The following MCTP1 variants were observed in gnomAD, a reference collection of about 807,000 sequenced individuals.
MCTP1 encodes the protein multiple C2 and transmembrane domain containing 1.
In MCTP1, 69 loss-of-function variants were observed where a neutral mutation model predicts 120.6. The ratio of observed to expected loss-of-function variants is 0.57; its 90% CI spans 0.47 to 0.70. The LOEUF (loss-of-function observed/expected upper bound fraction) is 0.70, where lower values mean the gene tolerates loss of function less well. Ranked by LOEUF, MCTP1 falls within the 30% of genes least tolerant of loss-of-function variation. The pLI is 0.00. For synonymous variants in MCTP1, 529 were observed against 493.1 expected (o/e 1.07, Z -0.96); for missense variants, 1,203 against 1,248.8 (o/e 0.96, Z 0.55).
rs570563608 is a variant in MCTP1, at chr5:95,284,655, C to G, written c.-80G>C. 3.5e-4 allele frequency: 427 copies of G among 1,210,244 alleles called. 2 individuals are homozygous for G. In the African/African-American group the frequency reaches 6.5e-3, roughly 18 times the overall value. 75.0% of individuals were successfully genotyped at this position (1,210,244 alleles called of 1,614,324 possible). A position where few individuals can be genotyped will look rare whatever the true frequency, so the allele number is the denominator to read the frequency against. On this transcript the variant is annotated 5_prime_UTR_variant, in exon 1 of 23. Transcript: ENST00000515393. The surrounding 1 kb of genome is among the most constrained non-coding windows in gnomAD (Gnocchi z 5.2). ...TCCTCCCTCTTCGGCTGCACCTCCT[C>G]CCGGGTCCCCGCGGCGCTGGCGGTG...
chr5:95,003,741 C>T (rs1317737603), intron 2 of MCTP1, among the ~76,000 whole-genome samples: 2 of 152,332 alleles, frequency 1.3e-5, no homozygotes, highest in African/African-American at 4.8e-5. Flanking sequence ...CATGTATAGG[C>T]TGCAGACCAC....
intron 9 of MCTP1, among the ~76,000 whole-genome samples, chr5:94,912,409 T>C (rs775613711): frequency 9.4e-6 from 1 of 106,176 alleles, no homozygotes; most frequent in Non-Finnish European, 1.7e-5. Flanking sequence ...TCCAGCCTGG[T>C]GACAGAGTGA....
intron 1 of MCTP1, among the ~76,000 whole-genome samples, chr5:95,119,240 G>A (rs1758032106): frequency 6.6e-6 from 1 of 152,112 alleles, no homozygotes; most frequent in South Asian, 2.1e-4. Context: ...GGGATTTGAG[G>A]AACTATACAG....
At chr5:94,717,848 C>G (rs1229609166) in intron 19 of MCTP1, among the ~76,000 whole-genome samples, 1 of 152,106 alleles carries the variant, frequency 6.6e-6, no homozygotes, top group African/African-American at 2.4e-5. Context: ...GAACTACAAA[C>G]CACTGCTCAA....
intron 1 of MCTP1, among the ~76,000 whole-genome samples, chr5:95,167,636 G>A (rs1746592731): frequency 6.6e-6 from 1 of 152,174 alleles, no homozygotes; most frequent in Non-Finnish European, 1.5e-5. Flanking sequence ...TTGTGGTTTT[G>A]ATTTGCATTT....
intron 2 of MCTP1, among the ~76,000 whole-genome samples, chr5:94,990,880 T>C (rs1486273870): frequency 2.6e-5 from 3 of 115,816 alleles, no homozygotes; most frequent in Non-Finnish European, 6.6e-5. Flanking sequence ...TCTGAGGCCC[T>C]CCTGGTTATG....
intron 1 of MCTP1, among the ~76,000 whole-genome samples, chr5:95,261,028 C>A (rs551372920): frequency 1.4e-4 from 22 of 152,282 alleles, no homozygotes; most frequent in African/African-American, 5.3e-4. Context: ...GTAGCTAACC[C>A]AAAGAAGCTG....
At chr5:95,027,325 T>C (rs1581911784) in intron 1 of MCTP1, among the ~76,000 whole-genome samples, 1 of 152,234 alleles carries the variant, frequency 6.6e-6, no homozygotes. Context: ...TGATTAGACA[T>C]GAGCTGGGTG....
At chr5:94,850,512 A>C (rs1793464587) in intron 17 of MCTP1, among the ~76,000 whole-genome samples, 1 of 152,154 alleles carries the variant, frequency 6.6e-6, no homozygotes, top group Admixed American at 6.6e-5. Flanking sequence ...GGGGGAAAAC[A>C]GGTAAACAAT....
At chr5:94,843,897 A>C (rs1026950004) in intron 17 of MCTP1, among the ~76,000 whole-genome samples, 3 of 152,222 alleles carry the variant, frequency 2.0e-5, no homozygotes, top group Admixed American at 6.5e-5. Context: ...TTTTGCAAAA[A>C]TAATGTAGTT....
At chr5:94,781,319 A>G (rs911236394) in intron 18 of MCTP1, among the ~76,000 whole-genome samples, 6 of 152,074 alleles carry the variant, frequency 3.9e-5, no homozygotes, top group South Asian at 2.1e-4. Context: ...TGAAGGCAGG[A>G]TGGTGGTGGG....
chr5:94,928,015 T>C (rs980303747), intron 6 of MCTP1, among the ~76,000 whole-genome samples: 1 of 152,150 alleles, frequency 6.6e-6, no homozygotes, highest in Non-Finnish European at 1.5e-5. Context: ...GTCTGTATTA[T>C]ATTATTCAAA....
chr5:95,284,422 C>A lies in MCTP1; in HGVS notation c.154G>T (p.Asp52Tyr), dbSNP rs1160038854. ...RAGGPERRTA[D>Y]TPSPSPPPPV... ...GGTGGCGGGGAGGGCGACGGGGTGTCCGCAGTGCGGCGCTCTGGACCCCCA... is the reference window on the plus strand; with the variant it reads ...GGTGGCGGGGAGGGCGACGGGGTGTACGCAGTGCGGCGCTCTGGACCCCCA... The change falls in exon 1 of 23, where the codon GAC (aspartate) becomes TAC (tyrosine). Residue 52 changes from aspartate (D) to tyrosine (Y), a missense_variant. Physicochemically the swap from Asp to Tyr is radical, Grantham distance 160 (BLOSUM62 -3). Transcript: ENST00000515393. The surrounding 1 kb of genome is among the most constrained non-coding windows in gnomAD (Gnocchi z 5.2). 2 of 1,566,760 alleles carry A rather than the reference C, an allele frequency of 1.3e-6. No homozygotes were observed. Among genetic ancestry groups the A allele is most frequent in the Non-Finnish European group, 1.7e-6 (2 of 1,164,746 alleles).
chr5:95,248,790 C>T (rs1757080700), intron 1 of MCTP1, among the ~76,000 whole-genome samples: 1 of 152,126 alleles, frequency 6.6e-6, no homozygotes, highest in Non-Finnish European at 1.5e-5. Context: ...CTACAGTAAC[C>T]AAAACAGGAT....
intron 1 of MCTP1, chr5:95,166,009 T>G (rs1018950577): frequency 6.6e-5 from 10 of 152,198 alleles, no homozygotes; most frequent in Non-Finnish European, 1.5e-5. Flanking sequence ...CTCACCAGCT[T>G]CAGTCTCCAT....
chr5:95,125,614 C>A (rs1465037721), intron 1 of MCTP1, among the ~76,000 whole-genome samples: 1 of 152,224 alleles, frequency 6.6e-6, no homozygotes, highest in African/African-American at 2.4e-5. Flanking sequence ...ACACTCATTA[C>A]TACCTGATTC....
At chr5:94,737,360 TC>T (rs1258935312) in intron 19 of MCTP1, among the ~76,000 whole-genome samples, 7 of 152,142 alleles carry the variant, frequency 4.6e-5, no homozygotes, top group Admixed American at 3.3e-4. Flanking sequence ...AGAGATAGGC[TC>T]TAACCCAGAG....
chr5:94,847,978 G>T (rs1278695665), intron 17 of MCTP1, among the ~76,000 whole-genome samples: 1 of 152,016 alleles, frequency 6.6e-6, no homozygotes, highest in Non-Finnish European at 1.5e-5. Context: ...TCTTGAGACT[G>T]CAGGTCCTTC....
chr5:94,918,506 T>C (rs1007835152), intron 7 of MCTP1, among the ~76,000 whole-genome samples: 4 of 152,210 alleles, frequency 2.6e-5, no homozygotes, highest in African/African-American at 7.2e-5. Context: ...CACCTCCCTT[T>C]TCTGCCTTTG....
Sources: allele counts gnomAD v4.1 joint callset (sites outside exome capture counted in the v4.1 genomes callset), GRCh38; gene constraint gnomAD v4.1.1; non-coding constraint Gnocchi (gnomAD v3.1); transcripts MANE v1.5; gene names NCBI Gene and HGNC (gene_info 2026-07-23, HGNC 2026-07-21).